Variants in NIM1K observed in about 807,000 individuals in gnomAD.
The protein encoded by NIM1K is NIM1 serine/threonine protein kinase, also known as serine/threonine-protein kinase NIM1.
Under a neutral mutation model 37.1 loss-of-function variants are expected in NIM1K, and 35 were observed. The ratio of observed to expected loss-of-function variants is 0.94; its 90% CI spans 0.72 to 1.25. The LOEUF (loss-of-function observed/expected upper bound fraction) is 1.25. Among genes scored for constraint, NIM1K ranks in the 50% most tolerant of loss-of-function variants. NIM1K has a pLI of 0.00. For synonymous variants in NIM1K, 234 were observed against 206.6 expected (o/e 1.13, Z -1.14); for missense variants, 564 against 548.0 (o/e 1.03, Z -0.29).
chr5:43,269,326 A>AAAAG, intron 2 of NIM1K, among the ~76,000 whole-genome samples: 1 of 150,970 alleles, frequency 6.6e-6, no homozygotes, highest in East Asian at 1.9e-4. Flanking sequence ...AAAAGAAAAA[A>AAAAG]AAAAAAGAAT....
At chr5:43,275,264 C>T (rs1753321416) in intron 2 of NIM1K, among the ~76,000 whole-genome samples, 2 of 152,184 alleles carry the variant, frequency 1.3e-5, no homozygotes, top group South Asian at 4.1e-4. Flanking sequence ...AAGTTAGCAT[C>T]ATTACTTTTG....
chr5:43,232,512 G>A lies in NIM1K; in HGVS notation c.-694-12570G>A, dbSNP rs188370386. 1.2e-4 allele frequency: 183 copies of A among 1,553,338 alleles called. No homozygotes were observed. The East Asian group carries it at 3.7e-3, about 32-fold the overall frequency. On this transcript the variant is annotated intron_variant, in intron 1 of 3. Transcript: ENST00000326035. Reference sequence around the variant, plus strand: ...CTATTCAGTTTAGTATAGGTTGGGCGTTCAGTATCAAGGTTCTATGCCAGA... The same window carrying A: ...CTATTCAGTTTAGTATAGGTTGGGCATTCAGTATCAAGGTTCTATGCCAGA...
At chr5:43,215,478 A>G (rs571643860) in intron 1 of NIM1K, among the ~76,000 whole-genome samples, 1 of 152,314 alleles carries the variant, frequency 6.6e-6, no homozygotes, top group East Asian at 1.9e-4. Flanking sequence ...TCTGTTGCCC[A>G]GGCTGGAGTG....
rs1752614247 is a variant in NIM1K, at chr5:43,235,892, C to T, written c.-694-9190C>T. Among the ~76,000 whole-genome samples, 3 of 151,774 alleles carry T rather than the reference C, an allele frequency of 2.0e-5. No individual in the cohort carries two copies. The South Asian group carries it at 6.3e-4, about 32-fold the overall frequency. Reference sequence around the variant, plus strand: ...TCTCCCATGAAACCTAGAACAGAGCCTGGAAATGGCCAACCTGGAGGCCAA... The same window carrying T: ...TCTCCCATGAAACCTAGAACAGAGCTTGGAAATGGCCAACCTGGAGGCCAA... On this transcript the variant is annotated intron_variant, in intron 1 of 3. Coordinates refer to ENST00000326035, the MANE Select transcript of NIM1K (RefSeq NM_153361.4).
intron 1 of NIM1K, among the ~76,000 whole-genome samples, chr5:43,201,950 T>A (rs1037565804): frequency 7.1e-6 from 1 of 141,180 alleles, no homozygotes; most frequent in South Asian, 2.2e-4. Flanking sequence ...AGAGCGAGAC[T>A]CCCTCTGAGC....
At chr5:43,242,390 C>T (rs1320637915) in intron 1 of NIM1K, among the ~76,000 whole-genome samples, 1 of 151,232 alleles carries the variant, frequency 6.6e-6, no homozygotes, top group African/African-American at 2.4e-5. Context: ...TGGAGGGGAG[C>T]AGGTGCAGAG....
chr5:43,237,543 G>A (rs1186200982), intron 1 of NIM1K, among the ~76,000 whole-genome samples: 5 of 152,136 alleles, frequency 3.3e-5, no homozygotes, highest in Non-Finnish European at 1.5e-5. Context: ...AATTAGGTAT[G>A]TGATCACTTC....
intron 1 of NIM1K, among the ~76,000 whole-genome samples, chr5:43,215,916 G>A (rs1281451391): frequency 6.6e-6 from 1 of 152,146 alleles, no homozygotes; most frequent in African/African-American, 2.4e-5. Context: ...TTCTCTTCCA[G>A]AATGCAGTCC....
Position 43,280,494 on chromosome 5 carries a change from G to A in NIM1K, c.1076G>A (p.Ser359Asn), listed in dbSNP as rs537064361. Residue 359 changes from serine (S) to asparagine (N), a missense_variant, in exon 4 of 4, where the codon AGC (serine) becomes AAC (asparagine). Transcript: ENST00000326035. ...TLKEEENEVK[S>N]TLEHLGITEE... The stretch of plus-strand genomic sequence containing the variant: ...AAGGAAGAAGAAAATGAGGTCAAAA[G>A]CACTTTAGAACATTTGGGCATTACA... 3.7e-6 allele frequency: 6 copies of A among 1,614,168 alleles called. No homozygotes were observed. The highest frequency in any genetic ancestry group is 2.2e-5 in the South Asian group (2 of 91,076).
chr5:43,216,714 AAGACC>A (rs1752304953), intron 1 of NIM1K, among the ~76,000 whole-genome samples: 1 of 152,208 alleles, frequency 6.6e-6, no homozygotes, highest in Non-Finnish European at 1.5e-5. Context: ...AGTTTGAGCA[AAGACC>A]AGTAGGCAGG....
At chr5:43,218,686 ACCT>A (rs1752340093) in intron 1 of NIM1K, among the ~76,000 whole-genome samples, 1 of 150,192 alleles carries the variant, frequency 6.7e-6, no homozygotes, top group Non-Finnish European at 1.5e-5. Context: ...ATTAGGTCCC[ACCT>A]CCTTCATAAT....
chr5:43,232,653 T>G, intron 1 of NIM1K: 1 of 1,545,432 alleles, frequency 6.5e-7, no homozygotes, highest in Non-Finnish European at 8.7e-7. Context: ...CCTGGGGTGG[T>G]GAGTAAATGG....
chr5:43,199,289 T>C (rs906017430), intron 1 of NIM1K, among the ~76,000 whole-genome samples: 3 of 147,728 alleles, frequency 2.0e-5, no homozygotes, highest in Non-Finnish European at 3.0e-5. Flanking sequence ...AAAATATATA[T>C]ATATATGTAT....
chr5:43,238,338 C>T (rs537839794), intron 1 of NIM1K, among the ~76,000 whole-genome samples: 3 of 152,010 alleles, frequency 2.0e-5, no homozygotes, highest in East Asian at 1.9e-4. Flanking sequence ...CCACTGCGCC[C>T]GGCCAATTTA....
intron 1 of NIM1K, among the ~76,000 whole-genome samples, chr5:43,209,527 T>C (rs1420260136): frequency 1.3e-5 from 2 of 152,000 alleles, no homozygotes; most frequent in Admixed American, 6.6e-5. Context: ...ATTTTTTTTT[T>C]CAACCAAAAA....
intron 2 of NIM1K, among the ~76,000 whole-genome samples, chr5:43,271,865 C>T (rs546086451): frequency 2.2e-4 from 33 of 152,282 alleles, no homozygotes; most frequent in Non-Finnish European, 4.3e-4. Context: ...GCCACTAATC[C>T]GTTCTCCATT....
chr5:43,208,446 T>C (rs1287734162), intron 1 of NIM1K, among the ~76,000 whole-genome samples: 1 of 151,562 alleles, frequency 6.6e-6, no homozygotes, highest in Admixed American at 6.6e-5. Flanking sequence ...CTATTAAAAA[T>C]ACAAAAATTA....
intron 1 of NIM1K, among the ~76,000 whole-genome samples, chr5:43,222,793 T>C (rs1050424301): frequency 6.6e-6 from 1 of 151,382 alleles, no homozygotes; most frequent in Non-Finnish European, 1.5e-5. Context: ...AGACAGCATA[T>C]ATCAAAGTGT....
intron 2 of NIM1K, among the ~76,000 whole-genome samples, chr5:43,269,184 C>A (rs941546654): frequency 1.3e-5 from 2 of 148,486 alleles, no homozygotes; most frequent in South Asian, 2.1e-4. Context: ...GGTGGGGGCA[C>A]CTGTAATCCC....
Sources: allele counts gnomAD v4.1 joint callset (sites outside exome capture counted in the v4.1 genomes callset), GRCh38; gene constraint gnomAD v4.1.1; transcripts MANE v1.5; gene names NCBI Gene and HGNC (gene_info 2026-07-23, HGNC 2026-07-21).